Variants in ARHGAP32 observed in about 807,000 individuals in gnomAD.
ARHGAP32 encodes rho GTPase-activating protein 32.
Under a neutral mutation model 186.5 loss-of-function variants are expected in ARHGAP32, and 51 were observed. That is an observed-to-expected ratio of 0.27 (90% confidence interval 0.22 to 0.35). The LOEUF is 0.35. Ranked by LOEUF, ARHGAP32 falls within the 10% of genes least tolerant of loss-of-function variation. ARHGAP32 has a pLI of 1.00. For missense variants in ARHGAP32, 2,186 were observed against 2,623.5 expected (o/e 0.83, Z 3.64); for synonymous variants, 950 against 964.3 (o/e 0.99, Z 0.27).
chr11:129,069,812 G>A (rs1471062390), intron 6 of ARHGAP32, among the ~76,000 whole-genome samples: 1 of 151,926 alleles, frequency 6.6e-6, no homozygotes, highest in Non-Finnish European at 1.5e-5. Flanking sequence ...CTGCAATTTG[G>A]TAGGCTCACA....
chr11:129,094,548 A>G (rs1941674687), intron 5 of ARHGAP32, among the ~76,000 whole-genome samples: 1 of 152,228 alleles, frequency 6.6e-6, no homozygotes, highest in Admixed American at 6.5e-5. Context: ...ACATTCTCAC[A>G]CGGGCAACAA....
intron 12 of ARHGAP32, among the ~76,000 whole-genome samples, chr11:128,995,372 C>T (rs765661403): frequency 6.6e-6 from 1 of 152,012 alleles, no homozygotes; most frequent in East Asian, 1.9e-4. Flanking sequence ...ATGCCCAGCT[C>T]GTTTTGTATT....
chr11:129,021,680 C>T (rs967487158), intron 11 of ARHGAP32, among the ~76,000 whole-genome samples: 10 of 152,002 alleles, frequency 6.6e-5, no homozygotes, highest in Non-Finnish European at 4.4e-5. Context: ...ATAAGTTACA[C>T]CTTTTTCCTG....
At chr11:129,233,980 G>T (rs1277271373) in intron 1 of ARHGAP32, among the ~76,000 whole-genome samples, 1 of 151,874 alleles carries the variant, frequency 6.6e-6, no homozygotes. Flanking sequence ...AATATCAGGG[G>T]TTCAATTGTA....
intron 6 of ARHGAP32, among the ~76,000 whole-genome samples, chr11:129,085,090 CA>C (rs769859387): frequency 6.6e-6 from 1 of 151,870 alleles, no homozygotes; most frequent in Non-Finnish European, 1.5e-5. Flanking sequence ...GTGGTACAAT[CA>C]TGCCTCATTA....
intron 6 of ARHGAP32, among the ~76,000 whole-genome samples, chr11:129,080,684 C>T (rs553259734): frequency 6.6e-6 from 1 of 151,956 alleles, no homozygotes; most frequent in Non-Finnish European, 1.5e-5. Context: ...TAAGGTCACA[C>T]TTCAAGGAAC....
chr11:129,075,197 CA>C (rs555481648), intron 6 of ARHGAP32, among the ~76,000 whole-genome samples: 2 of 152,080 alleles, frequency 1.3e-5, no homozygotes, highest in African/African-American at 4.8e-5. Flanking sequence ...TCTAACATAC[CA>C]ATTAAAAGAC....
intron 1 of ARHGAP32, among the ~76,000 whole-genome samples, chr11:129,184,969 C>G (rs373516075): frequency 8.6e-4 from 131 of 152,182 alleles, no homozygotes; most frequent in African/African-American, 3.1e-3. Context: ...AGAGAAGAAG[C>G]AACATAAACA....
upstream of ARHGAP32, among the ~76,000 whole-genome samples, chr11:129,196,550 T>C (rs1285524940): frequency 6.6e-6 from 1 of 152,170 alleles, no homozygotes; most frequent in Admixed American, 6.5e-5. Context: ...CCACAGGGTG[T>C]CCTGGAAACG....
At chr11:129,279,494 G>A (rs1217538383), upstream of ARHGAP32, among the ~76,000 whole-genome samples, 1 of 145,026 alleles carries the variant, frequency 6.9e-6, no homozygotes, top group Non-Finnish European at 1.5e-5. Flanking sequence ...CTCTCACCCT[G>A]ACGCCTTCGG....
intron 11 of ARHGAP32, among the ~76,000 whole-genome samples, chr11:129,002,984 A>G (rs960278699): frequency 6.6e-6 from 1 of 151,710 alleles, no homozygotes; most frequent in African/African-American, 2.4e-5. Flanking sequence ...AACTTTTTGT[A>G]TTTTTAGTAG....
intron 6 of ARHGAP32, among the ~76,000 whole-genome samples, chr11:129,075,465 T>G (rs773515894): frequency 6.6e-6 from 1 of 152,094 alleles, no homozygotes; most frequent in African/African-American, 2.4e-5. Context: ...TTTATGTGCT[T>G]AAAAACAGAC....
intron 11 of ARHGAP32, among the ~76,000 whole-genome samples, chr11:129,025,205 A>G (rs1938781332): frequency 1.3e-5 from 2 of 152,182 alleles, no homozygotes; most frequent in Admixed American, 1.3e-4. Context: ...ACTAAGGCAG[A>G]GAGATGAAGC....
chr11:129,193,696 A>ATATATATTATATATTATATAT (rs1473194738), upstream of ARHGAP32, among the ~76,000 whole-genome samples: 6 of 23,926 alleles, frequency 2.5e-4, no homozygotes, highest in African/African-American at 8.7e-4. Context: ...ATATTATATA[A>ATATATATTATATATTATATAT]TATATAATAT....
intron 2 of ARHGAP32, chr11:129,125,738 T>C (rs980861811): frequency 1.9e-5 from 4 of 212,184 alleles, no homozygotes; most frequent in Admixed American, 5.3e-5. Context: ...CATGAACTTA[T>C]GAGAATTAAA....
intron 11 of ARHGAP32, chr11:129,024,103 G>C (rs1938723574): frequency 1.0e-6 from 1 of 985,434 alleles, no homozygotes; most frequent in Non-Finnish European, 1.2e-6. Context: ...CCTGTTTTCA[G>C]TCCAGTCAGT....
chr11:129,044,116 TTCA>T (rs1330445691), intron 10 of ARHGAP32, among the ~76,000 whole-genome samples: 1 of 152,152 alleles, frequency 6.6e-6, no homozygotes, highest in Admixed American at 6.5e-5. Context: ...AGTATCTGGG[TTCA>T]ATCTTAAGTC....
Position 128,970,092 on chromosome 11 carries a change from A to G in ARHGAP32, c.5121T>C (p.Asn1707=). ...RLPNRDFAFY[N]PRLQGKSLYS... ...ACAAGCTCTTTCCTTGCAGCCTAGG[A>G]TTGTAGAAAGCAAAGTCTCGATTGG... Residue 1707 remains asparagine (N), a synonymous_variant, in exon 23 of 23, where the codon AAT becomes AAC. Coordinates refer to ENST00000682385, the MANE Select transcript of ARHGAP32 (RefSeq NM_001378024.1). The surrounding 1 kb of genome is among the most constrained non-coding windows in gnomAD (Gnocchi z 5.8). 1 of 1,614,152 alleles carries G rather than the reference A, an allele frequency of 6.2e-7. No homozygotes were observed. The highest frequency in any genetic ancestry group is 8.5e-7 in the Non-Finnish European group (1 of 1,180,028).
chr11:129,240,358 G>C (rs1327187408), intron 1 of ARHGAP32, among the ~76,000 whole-genome samples: 1 of 151,918 alleles, frequency 6.6e-6, no homozygotes, highest in Non-Finnish European at 1.5e-5. Flanking sequence ...ACTACTTGCT[G>C]TTCCACAAAC....
Sources: allele counts gnomAD v4.1 joint callset (sites outside exome capture counted in the v4.1 genomes callset), GRCh38; gene constraint gnomAD v4.1.1; non-coding constraint Gnocchi (gnomAD v3.1); transcripts MANE v1.5; gene names NCBI Gene and HGNC (gene_info 2026-07-23, HGNC 2026-07-21).